UMAD1: variants seen among roughly 807,000 people sequenced by gnomAD.
The protein encoded by UMAD1 is UBAP1-MVB12-associated (UMA) domain containing 1.
UMAD1 carries 8 observed loss-of-function variants against 6.1 expected under a neutral mutation model. The ratio of observed to expected loss-of-function variants is 1.30; its 90% CI spans 0.76 to 2.35. The LOEUF (loss-of-function observed/expected upper bound fraction) is 2.35, where lower values mean the gene tolerates loss of function less well. Ranked by LOEUF, UMAD1 falls within the 30% of genes most tolerant of loss-of-function variation. UMAD1 has a pLI of 0.00. For missense variants in UMAD1, 130 were observed against 78.4 expected (o/e 1.66, Z -2.49); for synonymous variants, 56 against 31.4 (o/e 1.78, Z -2.61).
intron 2 of UMAD1, among the ~76,000 whole-genome samples, chr7:7,680,540 A>G (rs116091950): frequency 0.018 from 2,811 of 152,222 alleles, 84 homozygotes; most frequent in African/African-American, 0.064. Context: ...GTGATTCTAT[A>G]TAAATGTTAG....
At chr7:7,709,759 A>G (rs549371612) in intron 2 of UMAD1, among the ~76,000 whole-genome samples, 1 of 151,842 alleles carries the variant, frequency 6.6e-6, no homozygotes, top group African/African-American at 2.4e-5. Context: ...GCAAATCTCA[A>G]TTTGAAAAAT....
intron 2 of UMAD1, among the ~76,000 whole-genome samples, chr7:7,690,098 G>A (rs571991231): frequency 1.3e-5 from 2 of 152,238 alleles, no homozygotes; most frequent in African/African-American, 4.8e-5. Flanking sequence ...TTTCAGGAAC[G>A]TATTACTGAT....
At chr7:7,844,629 CT>C (rs937420148) in intron 3 of UMAD1, among the ~76,000 whole-genome samples, 1 of 152,056 alleles carries the variant, frequency 6.6e-6, no homozygotes, top group African/African-American at 2.4e-5. Flanking sequence ...TTTTTCTTAT[CT>C]TTTTTCCATT....
intron 3 of UMAD1, among the ~76,000 whole-genome samples, chr7:7,813,560 A>G (rs1433322055): frequency 6.6e-6 from 1 of 151,968 alleles, no homozygotes; most frequent in African/African-American, 2.4e-5. Context: ...TGTATGCTAC[A>G]CGTAAGAGCA....
intron 2 of UMAD1, among the ~76,000 whole-genome samples, chr7:7,761,380 C>A (rs918483077): frequency 1.2e-5 from 1 of 85,196 alleles, no homozygotes; most frequent in Non-Finnish European, 2.5e-5. Flanking sequence ...AAAAAAGTAC[C>A]ACTTCTTTAA....
chr7:7,708,461 G>T (rs1340416564), intron 2 of UMAD1, among the ~76,000 whole-genome samples: 1 of 152,092 alleles, frequency 6.6e-6, no homozygotes, highest in Non-Finnish European at 1.5e-5. Context: ...GTATTTATTA[G>T]ACAGCATTTA....
intron 3 of UMAD1, among the ~76,000 whole-genome samples, chr7:7,828,060 G>A (rs2115302367): frequency 6.6e-6 from 1 of 152,150 alleles, no homozygotes; most frequent in African/African-American, 2.4e-5. Context: ...AAAAGTTGTG[G>A]AATGAAAGAG....
At chr7:7,742,911 T>A (rs968514514) in intron 2 of UMAD1, among the ~76,000 whole-genome samples, 1 of 152,188 alleles carries the variant, frequency 6.6e-6, no homozygotes, top group Non-Finnish European at 1.5e-5. Context: ...TATCATCATG[T>A]TAAGGTAATA....
chr7:7,810,192 ACT>A, intron 3 of UMAD1, among the ~76,000 whole-genome samples: 1 of 144,994 alleles, frequency 6.9e-6, no homozygotes, highest in East Asian at 2.0e-4. Flanking sequence ...TGATTATGAA[ACT>A]CTTTACTCAC....
At chr7:7,768,796 A>G (rs538865462) in intron 2 of UMAD1, among the ~76,000 whole-genome samples, 20 of 152,202 alleles carry the variant, frequency 1.3e-4, no homozygotes, top group Non-Finnish European at 2.6e-4. Context: ...ACTTTACTAT[A>G]TTATATGTAA....
At chr7:7,771,877 A>G (rs922107987) in intron 2 of UMAD1, among the ~76,000 whole-genome samples, 1 of 152,142 alleles carries the variant, frequency 6.6e-6, no homozygotes, top group Non-Finnish European at 1.5e-5. Flanking sequence ...ATTTATAAGC[A>G]ATTTTATCCT....
intron 2 of UMAD1, among the ~76,000 whole-genome samples, chr7:7,726,350 G>T (rs1196853230): frequency 6.6e-6 from 1 of 152,244 alleles, no homozygotes; most frequent in Non-Finnish European, 1.5e-5. Context: ...AAGTGCAGCA[G>T]TGAGCTCATG....
chr7:7,849,672 A>T (rs1583871435), intron 3 of UMAD1, among the ~76,000 whole-genome samples: 1 of 152,196 alleles, frequency 6.6e-6, no homozygotes, highest in South Asian at 2.1e-4. Context: ...CATGGAGTTT[A>T]CCATTTAGTA....
chr7:7,874,355 AG>A (rs1784379961), intron 3 of UMAD1, among the ~76,000 whole-genome samples: 1 of 152,220 alleles, frequency 6.6e-6, no homozygotes, highest in African/African-American at 2.4e-5. Flanking sequence ...CCCAGCAACC[AG>A]GGTGATTATT....
intron 2 of UMAD1, among the ~76,000 whole-genome samples, chr7:7,706,543 C>T (rs770177818): frequency 6.6e-6 from 1 of 152,122 alleles, no homozygotes; most frequent in Non-Finnish European, 1.5e-5. Context: ...TGTTAGATAT[C>T]ATTTTTTAAA....
At chr7:7,836,806 A>T (rs1396048609) in intron 3 of UMAD1, among the ~76,000 whole-genome samples, 1 of 152,042 alleles carries the variant, frequency 6.6e-6, no homozygotes, top group Non-Finnish European at 1.5e-5. Context: ...CTCAGAATGT[A>T]ACACAGAGAG....
chr7:7,845,439 G>A (rs1783765740), intron 3 of UMAD1, among the ~76,000 whole-genome samples: 1 of 152,004 alleles, frequency 6.6e-6, no homozygotes, highest in African/African-American at 2.4e-5. Flanking sequence ...ACTTGCTTTA[G>A]GTCACATAGC....
At chr7:7,766,160 C>T (rs1366991572) in intron 2 of UMAD1, among the ~76,000 whole-genome samples, 5 of 152,096 alleles carry the variant, frequency 3.3e-5, no homozygotes, top group African/African-American at 4.8e-5. Context: ...AATAGAGCAG[C>T]CTTGTCAATA....
chr7:7,730,600 G>T (rs1421278738), intron 2 of UMAD1, among the ~76,000 whole-genome samples: 2 of 152,062 alleles, frequency 1.3e-5, no homozygotes, highest in Non-Finnish European at 2.9e-5. Context: ...GGTACACTAG[G>T]TGTCTGTCTC....
Sources: allele counts gnomAD v4.1 joint callset (sites outside exome capture counted in the v4.1 genomes callset), GRCh38; gene constraint gnomAD v4.1.1; transcripts MANE v1.5; gene names NCBI Gene and HGNC (gene_info 2026-07-23, HGNC 2026-07-21).